The following PDGFD variants were observed in gnomAD, a reference collection of about 807,000 sequenced individuals.
PDGFD encodes platelet derived growth factor D.
A neutral mutation model predicts 44.7 loss-of-function variants in PDGFD; 30 were observed. That is an observed-to-expected ratio of 0.67 (90% confidence interval 0.50 to 0.91). The LOEUF is 0.91. Among genes scored for constraint, PDGFD ranks in the 40% least tolerant of loss-of-function variants. The pLI is 0.00. For missense variants in PDGFD, 445 were observed against 457.8 expected (o/e 0.97, Z 0.25); for synonymous variants, 173 against 168.4 (o/e 1.03, Z -0.21).
chr11:104,134,142 C>T (rs970209086), intron 1 of PDGFD, among the ~76,000 whole-genome samples: 1 of 131,604 alleles, frequency 7.6e-6, no homozygotes, highest in African/African-American at 2.9e-5. Flanking sequence ...AGTATGAACC[C>T]AGCTGTGTGT....
At chr11:104,009,957 T>C (rs960745519) in intron 1 of PDGFD, among the ~76,000 whole-genome samples, 1 of 152,142 alleles carries the variant, frequency 6.6e-6, no homozygotes, top group African/African-American at 2.4e-5. Context: ...CACATGTTCC[T>C]AGTGAGAATT....
rs533440632 is a variant in PDGFD at position 104,086,770 on chromosome 11, A to G, written c.124+77034T>C. On this transcript the variant is annotated intron_variant, in intron 1 of 6. Coordinates refer to ENST00000393158, the MANE Select transcript of PDGFD (RefSeq NM_025208.5). ...AACAAAATTATTTTACTGAAGTGAA[A>G]ACCGAGGCAAATGTTTAAACTCTGA... Among the ~76,000 whole-genome samples, 12 of 152,302 alleles carry G rather than the reference A, an allele frequency of 7.9e-5. No homozygotes were observed. The South Asian group carries it at 2.3e-3, about 29-fold the overall frequency.
chr11:103,981,988 C>T (rs777733935), intron 3 of PDGFD, among the ~76,000 whole-genome samples: 1 of 151,756 alleles, frequency 6.6e-6, no homozygotes, highest in Non-Finnish European at 1.5e-5. Context: ...CAGAGACTGA[C>T]TTCAGAATCA....
intron 1 of PDGFD, among the ~76,000 whole-genome samples, chr11:104,120,512 T>G (rs1159457785): frequency 2.0e-5 from 3 of 151,944 alleles, no homozygotes; most frequent in African/African-American, 7.2e-5. Flanking sequence ...TTCGATCATT[T>G]ATCCTTTTTG....
chr11:104,162,452 T>C (rs1862405130), intron 1 of PDGFD, among the ~76,000 whole-genome samples: 1 of 151,988 alleles, frequency 6.6e-6, no homozygotes, highest in Non-Finnish European at 1.5e-5. Flanking sequence ...AATCCTTAAG[T>C]GTAGTAAAAA....
chr11:104,063,577 G>T (rs1860744995), intron 1 of PDGFD, among the ~76,000 whole-genome samples: 1 of 152,118 alleles, frequency 6.6e-6, no homozygotes, highest in Non-Finnish European at 1.5e-5. Flanking sequence ...AGAACTACCG[G>T]AAACTGGGTA....
chr11:104,133,680 A>G (rs1474448634), intron 1 of PDGFD, among the ~76,000 whole-genome samples: 1 of 152,214 alleles, frequency 6.6e-6, no homozygotes, highest in Non-Finnish European at 1.5e-5. Flanking sequence ...TTAAACAAAT[A>G]ACAGTCACTA....
At chr11:104,163,432 A>G (rs6591066) in intron 1 of PDGFD, among the ~76,000 whole-genome samples, 1 of 152,170 alleles carries the variant, frequency 6.6e-6, no homozygotes, top group Non-Finnish European at 1.5e-5. Context: ...CCTTCCACCT[A>G]TCAAAATTGC....
intron 1 of PDGFD, among the ~76,000 whole-genome samples, chr11:104,009,028 G>T (rs17421160): frequency 1.3e-5 from 2 of 151,770 alleles, no homozygotes. Context: ...TATTAATGTA[G>T]CCAAGGGCCC....
At chr11:104,028,008 G>GT (rs1565314124) in intron 1 of PDGFD, among the ~76,000 whole-genome samples, 1 of 151,956 alleles carries the variant, frequency 6.6e-6, no homozygotes, top group Non-Finnish European at 1.5e-5. Context: ...GGCTAACACA[G>GT]TGAAACTCCG....
intron 6 of PDGFD, among the ~76,000 whole-genome samples, chr11:103,916,245 G>GA (rs962881925): frequency 6.6e-6 from 1 of 151,896 alleles, no homozygotes; most frequent in Non-Finnish European, 1.5e-5. Flanking sequence ...AAATTTACAA[G>GA]AAAAAAACAA....
intron 3 of PDGFD, among the ~76,000 whole-genome samples, chr11:103,963,936 AT>A (rs1428955297): frequency 1.3e-5 from 2 of 152,174 alleles, no homozygotes; most frequent in Non-Finnish European, 2.9e-5. Flanking sequence ...ATGAATTAAA[AT>A]TTGTAATTTG....
chr11:103,949,398 G>A lies in PDGFD; in HGVS notation c.511-1674C>T, dbSNP rs555501453. ...ACAGAATAGACACTAAAAGGACACT[G>A]AATTCCCACAGCGGGAAGATGTGTA... On this transcript the variant is annotated intron_variant, in intron 3 of 6. Transcript: ENST00000393158. Among the ~76,000 whole-genome samples the A allele has an allele frequency of 2.6e-4, 39 of 152,326 alleles. No individual in the cohort carries two copies. In the South Asian group the frequency reaches 3.1e-3, roughly 12 times the overall value.
intron 1 of PDGFD, among the ~76,000 whole-genome samples, chr11:104,003,508 G>A (rs1859650840): frequency 6.6e-6 from 1 of 152,212 alleles, no homozygotes; most frequent in African/African-American, 2.4e-5. Flanking sequence ...GGAAGGGCAG[G>A]TGGCAGTGAT....
intron 1 of PDGFD, among the ~76,000 whole-genome samples, chr11:104,061,161 T>C (rs1860709955): frequency 6.6e-6 from 1 of 151,970 alleles, no homozygotes. Context: ...AAATAATGGG[T>C]CAAAATATGA....
At chr11:103,950,431 G>C (rs946351207) in intron 3 of PDGFD, among the ~76,000 whole-genome samples, 40 of 151,258 alleles carry the variant, frequency 2.6e-4, no homozygotes, top group African/African-American at 9.2e-4. Context: ...AGGTGTGGTG[G>C]CATGTACCTG....
At position 104,150,005 on chromosome 11, in the gene PDGFD, A is replaced by C. The variant is rs80333172; in HGVS notation, c.124+13799T>G. Among the ~76,000 whole-genome samples the C allele has an allele frequency of 1.1e-3, 165 of 152,304 alleles. 2 individuals carry two copies. In the East Asian group the frequency reaches 0.028, roughly 26 times the overall value. The stretch of plus-strand genomic sequence containing the variant: ...CATCAACATACCTAATGTAATGCTG[A>C]GACTAGTAAGTGCTCTGTGAATGGC... On this transcript the variant is annotated intron_variant, in intron 1 of 6. Transcript: ENST00000393158.
At chr11:103,955,479 A>G (rs1858829348) in intron 3 of PDGFD, among the ~76,000 whole-genome samples, 2 of 152,238 alleles carry the variant, frequency 1.3e-5, no homozygotes, top group Admixed American at 6.5e-5. Flanking sequence ...GAATAAAGCA[A>G]AAATTAAAAA....
At chr11:104,063,926 T>C (rs968945723) in intron 1 of PDGFD, among the ~76,000 whole-genome samples, 14 of 152,116 alleles carry the variant, frequency 9.2e-5, no homozygotes, top group Non-Finnish European at 2.1e-4. Flanking sequence ...ACAGGACCAC[T>C]GGAAAGCCAA....
Sources: gnomAD v4.1 joint callset for allele counts (sites outside exome capture counted in the v4.1 genomes callset) on GRCh38, gnomAD v4.1.1 for gene constraint, MANE v1.5 for transcripts, NCBI Gene and HGNC (gene_info 2026-07-23, HGNC 2026-07-21) for gene names.